Variants in ZNF735 observed in about 807,000 individuals in gnomAD.
The protein encoded by ZNF735 is zinc finger protein 735, also known as putative zinc finger protein 735.
In ZNF735, 11 loss-of-function variants were observed where a neutral mutation model predicts 13.4. The ratio of observed to expected loss-of-function variants is 0.82; its 90% CI spans 0.52 to 1.36. The LOEUF (loss-of-function observed/expected upper bound fraction) is 1.36. Among genes scored for constraint, ZNF735 ranks in the 40% most tolerant of loss-of-function variants. The pLI is 0.00. For synonymous variants in ZNF735, 171 were observed against 162.6 expected (o/e 1.05, Z -0.39); for missense variants, 500 against 484.6 (o/e 1.03, Z -0.30).
chr7:64,208,655 A>G (rs557173965), intron 1 of ZNF735, among the ~76,000 whole-genome samples: 6 of 151,254 alleles, frequency 4.0e-5, no homozygotes, highest in African/African-American at 1.5e-4. Flanking sequence ...TGTACAGATT[A>G]TATTATCACT....
intron 3 of ZNF735, among the ~76,000 whole-genome samples, 190 bp from the exon 4 acceptor site, chr7:64,219,124 A>T (rs978465223): frequency 3.9e-5 from 6 of 152,158 alleles, no homozygotes; most frequent in Non-Finnish European, 8.8e-5. Flanking sequence ...TTTATTTATA[A>T]ACTTCCAACA....
intron 1 of ZNF735, among the ~76,000 whole-genome samples, chr7:64,207,907 A>G (rs2116474520): frequency 6.6e-6 from 1 of 152,106 alleles, no homozygotes; most frequent in African/African-American, 2.4e-5. Flanking sequence ...GAATCACCTG[A>G]ACCCGGGAGG....
chr7:64,210,103 G>A (rs890715183), intron 1 of ZNF735, among the ~76,000 whole-genome samples: 5 of 152,098 alleles, frequency 3.3e-5, no homozygotes, highest in Non-Finnish European at 7.4e-5. Flanking sequence ...CCAGCTCCCA[G>A]GGTGCTATGA....
intron 1 of ZNF735, among the ~76,000 whole-genome samples, chr7:64,211,421 A>T (rs1281013716): frequency 6.6e-6 from 1 of 152,204 alleles, no homozygotes; most frequent in Non-Finnish European, 1.5e-5. Context: ...ACAGAATGGC[A>T]TGTATTACCC....
In ZNF735 at chr7:64,220,033, G is replaced by T. The variant is rs1787472724; in HGVS notation, c.982G>T (p.Glu328Ter). 6.2e-7 allele frequency: 1 copy of T among 1,612,724 alleles called. No individual in the cohort carries two copies. Among genetic ancestry groups the T allele is most frequent in the Non-Finnish European group, 8.5e-7 (1 of 1,179,418 alleles). ...TACTGGAGAGAAACCCTACACATGTGAAGAATGTGGCAAAGCCTTTAACTG... is the reference window on the plus strand; with the variant it reads ...TACTGGAGAGAAACCCTACACATGTTAAGAATGTGGCAAAGCCTTTAACTG... Residue 328 changes from glutamate to a stop codon, truncating the protein, a stop_gained, in exon 4 of 4, where the codon GAA becomes TAA. Coordinates refer to ENST00000429565, the Ensembl canonical transcript of ZNF735. LOFTEE classifies it low-confidence loss of function (END_TRUNC).
chr7:64,213,494 T>C (rs1442520958), intron 2 of ZNF735, among the ~76,000 whole-genome samples: 1 of 152,204 alleles, frequency 6.6e-6, no homozygotes, highest in Non-Finnish European at 1.5e-5. Context: ...AATTCAGTTG[T>C]CACCAACAAT....
chr7:64,213,100 G>T, exon 2 of ZNF735: 1 of 1,609,444 alleles, frequency 6.2e-7, no homozygotes, highest in Admixed American at 1.7e-5. Flanking sequence ...AGGGACTGTT[G>T]ACATTCAGAG....
rs1456972729 is a variant in ZNF735, at chr7:64,209,538, G to C, written c.39+2297G>C. Among the ~76,000 whole-genome samples, 9 of 152,118 alleles carry C rather than the reference G, an allele frequency of 5.9e-5. No individual in the cohort carries two copies. The East Asian group carries it at 1.5e-3, about 26-fold the overall frequency. The stretch of plus-strand genomic sequence containing the variant: ...GACGGGGTTTCACCATCTTGGCCAG[G>C]CTGGTCTCAAACTCCTGACCTCGTG... On this transcript the variant is annotated intron_variant, in intron 1 of 3. Coordinates refer to ENST00000429565, the Ensembl canonical transcript of ZNF735.
At chr7:64,218,193 T>C (rs1358706496) in intron 3 of ZNF735, among the ~76,000 whole-genome samples, 1 of 152,128 alleles carries the variant, frequency 6.6e-6, no homozygotes, top group Non-Finnish European at 1.5e-5. Context: ...TTTTGCTGGT[T>C]ATATTTTCAC....
chr7:64,216,364 T>C (rs535147276), intron 3 of ZNF735, among the ~76,000 whole-genome samples: 36 of 152,260 alleles, frequency 2.4e-4, no homozygotes, highest in African/African-American at 8.7e-4. Context: ...TAGATTATAT[T>C]AAATTTGTTC....
intron 1 of ZNF735, among the ~76,000 whole-genome samples, chr7:64,207,694 G>T (rs1787305549): frequency 1.3e-5 from 2 of 152,130 alleles, no homozygotes. Flanking sequence ...CGTGATTCAA[G>T]AATCATAGAG....
exon 4 of ZNF735, chr7:64,219,356 G>A (rs749767453): frequency 1.2e-5 from 20 of 1,613,592 alleles, no homozygotes; most frequent in Non-Finnish European, 1.5e-5. Flanking sequence ...CCAGAGCAGA[G>A]CATAAAAGAT....
chr7:64,220,109 A>G (rs1335799577), exon 4 of ZNF735: 2 of 1,613,512 alleles, frequency 1.2e-6, no homozygotes, highest in Admixed American at 3.3e-5. Flanking sequence ...GAGAAACCCT[A>G]CACATGTGAA....
At chr7:64,214,170 C>G in intron 3 of ZNF735, 62 bp downstream of exon 3, 1 of 1,538,638 alleles carries the variant, frequency 6.5e-7, no homozygotes, top group East Asian at 2.3e-5. Flanking sequence ...AGGAGGTAGC[C>G]AGTCTTTAAA....
intron 3 of ZNF735, among the ~76,000 whole-genome samples, 162 bp from the exon 4 acceptor site, chr7:64,219,152 A>C (rs924065451): frequency 1.3e-5 from 2 of 152,202 alleles, no homozygotes; most frequent in African/African-American, 4.8e-5. Flanking sequence ...TTTGATAACT[A>C]TGATTTTGTT....
At chr7:64,219,290 A>G in intron 3 of ZNF735, 24 bp from the exon 4 acceptor site, 1 of 1,602,856 alleles carries the variant, frequency 6.2e-7, no homozygotes, top group Non-Finnish European at 8.5e-7. Context: ...AAGTGGAGTA[A>G]CTTGTGATTT....
intron 1 of ZNF735, among the ~76,000 whole-genome samples, chr7:64,212,073 G>A (rs572470033): frequency 5.1e-4 from 77 of 152,018 alleles, no homozygotes; most frequent in African/African-American, 1.6e-3. Context: ...TTTTTTCCAC[G>A]ATAGAGTTAA....
At chr7:64,216,927 A>G (rs1787428623) in intron 3 of ZNF735, among the ~76,000 whole-genome samples, 2 of 152,096 alleles carry the variant, frequency 1.3e-5, no homozygotes, top group Non-Finnish European at 2.9e-5. Flanking sequence ...ATTTACTAAG[A>G]CTTATGTGTT....
intron 1 of ZNF735, among the ~76,000 whole-genome samples, chr7:64,208,912 A>C (rs1787325119): frequency 6.6e-6 from 1 of 152,308 alleles, no homozygotes; most frequent in African/African-American, 2.4e-5. Context: ...TCTTTCTTAT[A>C]GCCGCATCAT....
Sources: allele counts gnomAD v4.1 joint callset (sites outside exome capture counted in the v4.1 genomes callset), GRCh38; gene constraint gnomAD v4.1.1; transcripts MANE v1.5; gene names NCBI Gene and HGNC (gene_info 2026-07-23, HGNC 2026-07-21).